The following CDCA7L variants were observed in gnomAD, a reference collection of about 807,000 sequenced individuals.
CDCA7L encodes the protein cell division cycle-associated 7-like protein.
In CDCA7L, 44 loss-of-function variants were observed where a neutral mutation model predicts 57.4. The observed-to-expected ratio is 0.77, with a 90% CI of 0.60 to 0.98. The LOEUF is 0.98. CDCA7L is among the 50% of genes least tolerant of loss of function. The pLI is 0.00. For missense variants in CDCA7L, 644 were observed against 580.6 expected (o/e 1.11, Z -1.12); for synonymous variants, 236 against 202.8 (o/e 1.16, Z -1.39).
At chr7:21,914,211 G>C (rs568298398) in intron 2 of CDCA7L, among the ~76,000 whole-genome samples, 4 of 152,324 alleles carry the variant, frequency 2.6e-5, no homozygotes, top group South Asian at 2.1e-4. Context: ...ACTGCACCCA[G>C]CAAACAACAC....
At position 21,931,560 on chromosome 7, in the gene CDCA7L, G is replaced by A. The variant is rs1039030642; in HGVS notation, c.24+14221C>T. ...TATCTCAATATATGCAGAAAAGGCC[G>A]TCAATAAAATTCAACACCGATTCCT... On this transcript the variant is annotated intron_variant, in intron 1 of 9. Coordinates refer to ENST00000406877, the MANE Select transcript of CDCA7L (RefSeq NM_018719.5). 1.9e-4 allele frequency among the ~76,000 whole-genome samples: 29 copies of A among 152,058 alleles called. 1 individual carries two copies. Among genetic ancestry groups the A allele is most frequent in the Admixed American group, 5.2e-4 (8 of 15,262 alleles).
intron 1 of CDCA7L, among the ~76,000 whole-genome samples, chr7:21,919,625 C>T (rs141224301): frequency 4.6e-5 from 7 of 152,220 alleles, no homozygotes; most frequent in Middle Eastern, 3.4e-3. Flanking sequence ...ACCCTGAATT[C>T]AAATCCAACA....
At chr7:21,911,004 TAA>T (rs141658662) in intron 3 of CDCA7L, among the ~76,000 whole-genome samples, 19 of 128,400 alleles carry the variant, frequency 1.5e-4, no homozygotes, top group Middle Eastern at 4.2e-3. Context: ...ACTCTTGAGA[TAA>T]TTTTTTTTTT....
At chr7:21,938,875 T>G (rs1786254911) in intron 1 of CDCA7L, among the ~76,000 whole-genome samples, 1 of 151,748 alleles carries the variant, frequency 6.6e-6, no homozygotes, top group African/African-American at 2.4e-5. Flanking sequence ...CCAAGCAGGG[T>G]AGTACATACC....
chr7:21,926,827 C>G (rs556905848), intron 1 of CDCA7L, among the ~76,000 whole-genome samples: 6 of 152,298 alleles, frequency 3.9e-5, no homozygotes, highest in Non-Finnish European at 7.3e-5. Context: ...GAGCTGTGAT[C>G]AAGGCACTGC....
chr7:21,912,447 T>C (rs1785362632), intron 2 of CDCA7L, among the ~76,000 whole-genome samples: 1 of 152,156 alleles, frequency 6.6e-6, no homozygotes, highest in African/African-American at 2.4e-5. Flanking sequence ...GAATTCAGCT[T>C]CTCCTGCCAA....
intron 2 of CDCA7L, 148 bp from the exon 3 acceptor site, chr7:21,911,902 C>A: frequency 3.4e-6 from 2 of 585,966 alleles, no homozygotes; most frequent in South Asian, 2.4e-5. Flanking sequence ...ACTTAATGCA[C>A]TGAACTGTAC....
chr7:21,914,884 T>C (rs1247239320), intron 2 of CDCA7L, among the ~76,000 whole-genome samples: 4 of 152,184 alleles, frequency 2.6e-5, no homozygotes, highest in East Asian at 1.9e-4. Context: ...GGAGTCATCA[T>C]AGCAGCAGAA....
chr7:21,903,498 C>G (rs1368901715), intron 8 of CDCA7L, among the ~76,000 whole-genome samples: 1 of 152,126 alleles, frequency 6.6e-6, no homozygotes, highest in African/African-American at 2.4e-5. Context: ...TGTTGAATGA[C>G]TAACCTGAGC....
At chr7:21,923,900 G>A (rs1166907860) in intron 1 of CDCA7L, among the ~76,000 whole-genome samples, 1 of 152,218 alleles carries the variant, frequency 6.6e-6, no homozygotes, top group Non-Finnish European at 1.5e-5. Context: ...GGCATACAAA[G>A]CAGTGCTCTG....
At chr7:21,902,742 T>G (rs1784968914) in intron 9 of CDCA7L, 2 of 512,090 alleles carry the variant, frequency 3.9e-6, no homozygotes, top group Non-Finnish European at 6.9e-6. Flanking sequence ...AGGAGAAATT[T>G]TGGTTAAAGG....
chr7:21,902,659 CTCTTCATAATCTGTG>C, intron 9 of CDCA7L: 1 of 500,606 alleles, frequency 2.0e-6, no homozygotes, highest in Admixed American at 3.4e-5. Context: ...TTATGGCTGC[CTCTTCATAATCTGTG>C]TCTTTCCCCT....
At chr7:21,936,657 T>TA (rs1275444138) in intron 1 of CDCA7L, among the ~76,000 whole-genome samples, 1 of 151,388 alleles carries the variant, frequency 6.6e-6, no homozygotes, top group African/African-American at 2.4e-5. Context: ...GAAGGAAACT[T>TA]AAACTCACCA....
At chr7:21,902,760 G>C (rs111274861) in intron 9 of CDCA7L, 4 of 531,562 alleles carry the variant, frequency 7.5e-6, no homozygotes, top group African/African-American at 5.7e-5. Context: ...AGGCAACGTG[G>C]AGTTGAGTTG....
chr7:21,902,112 G>A lies in CDCA7L; in HGVS notation c.*210C>T. 1 of 601,962 alleles carries A rather than the reference G, an allele frequency of 1.7e-6. No individual in the cohort carries two copies. 37.3% of individuals were successfully genotyped at this position (601,962 alleles called of 1,614,324 possible). A position where few individuals can be genotyped will look rare whatever the true frequency, so the allele number is the denominator to read the frequency against. ...CAAAGTTCAGCATACAGACAGGTCT[G>A]TGCATACATCTATATAGATTCCTCT... is the stretch of plus-strand genomic sequence containing the variant. On this transcript the variant is annotated 3_prime_UTR_variant, in exon 10 of 10. Transcript: ENST00000406877.
At chr7:21,913,911 T>C (rs559751417) in intron 2 of CDCA7L, among the ~76,000 whole-genome samples, 2 of 152,246 alleles carry the variant, frequency 1.3e-5, no homozygotes, top group South Asian at 4.1e-4. Flanking sequence ...TCCATGTGGG[T>C]CTGTATGATG....
intron 1 of CDCA7L, among the ~76,000 whole-genome samples, chr7:21,922,149 G>T (rs1271701408): frequency 1.3e-5 from 2 of 152,130 alleles, no homozygotes; most frequent in East Asian, 3.8e-4. Context: ...CCTACATGAG[G>T]GGAATTAAAA....
chr7:21,931,105 A>G (rs1304660581), intron 1 of CDCA7L, among the ~76,000 whole-genome samples: 1 of 152,226 alleles, frequency 6.6e-6, no homozygotes, highest in East Asian at 1.9e-4. Context: ...CTGAAGACCA[A>G]TAACAAGTTC....
chr7:21,940,965 C>T (rs894243273), intron 1 of CDCA7L, among the ~76,000 whole-genome samples: 2 of 152,178 alleles, frequency 1.3e-5, no homozygotes, highest in African/African-American at 4.8e-5. Context: ...TCTTTCAGTC[C>T]AGTTATCATA....
Sources: allele counts gnomAD v4.1 joint callset (sites outside exome capture counted in the v4.1 genomes callset), GRCh38; gene constraint gnomAD v4.1.1; transcripts MANE v1.5; gene names NCBI Gene and HGNC (gene_info 2026-07-23, HGNC 2026-07-21).